Variants in DDX19B observed in about 807,000 individuals in gnomAD.
The protein encoded by DDX19B is ATP-dependent RNA helicase DDX19B.
DDX19B carries 27 observed loss-of-function variants against 58.1 expected under a neutral mutation model. That is an observed-to-expected ratio of 0.46 (90% CI 0.34 to 0.64). DDX19B has a LOEUF of 0.64. DDX19B is among the 30% of genes least tolerant of loss of function. DDX19B has a pLI of 0.01. For missense variants in DDX19B, 399 were observed against 596.5 expected, an observed-to-expected ratio of 0.67 and a Z score of 3.45; for synonymous variants, 187 against 214.4, an observed-to-expected ratio of 0.87 and a Z score of 1.12.
At chr16:70,294,736 C>T (rs1333343080), upstream of DDX19B, 1 of 870,278 alleles carries the variant, frequency 1.1e-6, no homozygotes, top group Non-Finnish European at 1.7e-6. Context: ...GCTGTACCGT[C>T]CCCTCAGCTG....
Position 70,309,817 on chromosome 16 carries a change from CAAAAAAAA to C in DDX19B, c.58-2778_58-2771del, listed in dbSNP as rs61033553. On this transcript the variant is annotated intron_variant, in intron 1 of 11. Transcript: ENST00000288071. ...TGGGCGACAGGGCAAGACTCCGTCT[CAAAAAAAA>C]AAAAAAAAAAAAAGAGAAATAGAAA... Among the ~76,000 whole-genome samples the C allele has an allele frequency of 1.6e-4, 7 of 42,632 alleles. 1 individual carries two copies. Among genetic ancestry groups the C allele is most frequent in the Admixed American group, 7.4e-4 (2 of 2,700 alleles). The allele number at this position is 42,632 out of a possible 152,430, so 28.0% of individuals were successfully genotyped here. A position where few individuals can be genotyped will look rare whatever the true frequency, so the allele number is the denominator to read the frequency against.
chr16:70,313,725 A>G (rs1236093814), intron 2 of DDX19B, among the ~76,000 whole-genome samples: 2 of 152,164 alleles, frequency 1.3e-5, no homozygotes, highest in East Asian at 3.8e-4. Context: ...ACAGGAAGGA[A>G]ATGTAACATT....
upstream of DDX19B, chr16:70,295,000 T>A (rs1961168721): frequency 7.3e-7 from 1 of 1,374,268 alleles, no homozygotes; most frequent in South Asian, 1.7e-5. Context: ...GGTAGAGGAA[T>A]AACAATATTT....
At chr16:70,307,307 C>A (rs1284994326) in intron 1 of DDX19B, among the ~76,000 whole-genome samples, 2 of 152,142 alleles carry the variant, frequency 1.3e-5, no homozygotes, top group African/African-American at 2.4e-5. Context: ...TTTTCCAAAG[C>A]AGCTGCATCA....
At chr16:70,292,789 C>G (rs1263927425), upstream of DDX19B, among the ~76,000 whole-genome samples, 1 of 152,176 alleles carries the variant, frequency 6.6e-6, no homozygotes, top group African/African-American at 2.4e-5. Flanking sequence ...GATTGCCCCA[C>G]TACCCTCCAG....
In DDX19B at chr16:70,333,639, T is replaced by C; in HGVS notation, c.*57T>C. The C allele has an allele frequency of 6.2e-7, 1 of 1,613,592 alleles. No homozygotes were observed. The highest frequency in any genetic ancestry group is 1.7e-4 in the Middle Eastern group (1 of 6,056). Reference sequence around the variant, plus strand: ...GCACTGCCCCTGCACAGGAGACAAGTGCGTTCAGGGCACAGGCCCCGACAT... The same window carrying C: ...GCACTGCCCCTGCACAGGAGACAAGCGCGTTCAGGGCACAGGCCCCGACAT... On this transcript the variant is annotated 3_prime_UTR_variant, in exon 12 of 12. Transcript: ENST00000288071.
upstream of DDX19B, chr16:70,295,159 T>C (rs978307093): frequency 5.0e-6 from 5 of 994,362 alleles, no homozygotes; most frequent in Admixed American, 1.6e-4. Flanking sequence ...CAGATGCTCT[T>C]ATTCCCCGAA....
At chr16:70,328,825 C>T (rs1466549822) in intron 7 of DDX19B, among the ~76,000 whole-genome samples, 1 of 152,014 alleles carries the variant, frequency 6.6e-6, no homozygotes, top group African/African-American at 2.4e-5. Context: ...GATATCCTAA[C>T]CTTTCCTTAA....
At chr16:70,299,480 C>G (rs1393259281) in intron 1 of DDX19B, 126 bp downstream of exon 1, 4 of 1,155,380 alleles carry the variant, frequency 3.5e-6, no homozygotes, top group Admixed American at 6.8e-5. Flanking sequence ...AGGGATGGAG[C>G]CTGGACCCTG....
intron 1 of DDX19B, among the ~76,000 whole-genome samples, chr16:70,309,341 A>G (rs1044411736): frequency 3.3e-5 from 5 of 151,528 alleles, no homozygotes; most frequent in African/African-American, 1.2e-4. Context: ...TAAAAATATA[A>G]AAAGTTAGTC....
intron 7 of DDX19B, among the ~76,000 whole-genome samples, chr16:70,328,088 A>G (rs1264369395): frequency 6.6e-6 from 1 of 151,158 alleles, no homozygotes; most frequent in Non-Finnish European, 1.5e-5. Flanking sequence ...CGGGAGGGGG[A>G]GGTTGCAGTG....
At chr16:70,310,533 A>G (rs1299692763) in intron 1 of DDX19B, among the ~76,000 whole-genome samples, 2 of 152,096 alleles carry the variant, frequency 1.3e-5, no homozygotes, top group Admixed American at 6.6e-5. Context: ...CAACAGAGTG[A>G]GACCTCGTCT....
chr16:70,294,123 C>T (rs1437322751), upstream of DDX19B, among the ~76,000 whole-genome samples: 1 of 144,854 alleles, frequency 6.9e-6, no homozygotes, highest in Non-Finnish European at 1.5e-5. Flanking sequence ...ACTCTGTCGC[C>T]CAGGCTGGAG....
Position 70,299,471 on chromosome 16 carries a change from G to C in DDX19B, c.57+117G>C, listed in dbSNP as rs1344365123. 16 of 1,268,242 alleles carry C rather than the reference G, an allele frequency of 1.3e-5. No homozygotes were observed. The East Asian group carries it at 4.2e-4, about 33-fold the overall frequency. The allele number at this position is 1,268,242 out of a possible 1,614,324, so 78.6% of individuals were successfully genotyped here. ...GCTGGATGGGGTGGCGGGGAGGATA[G>C]GGATGGAGCCTGGACCCTGAGCTGG... On this transcript the variant is annotated intron_variant, in intron 1 of 11. Transcript: ENST00000288071.
chr16:70,325,497 GC>G lies in DDX19B; in HGVS notation c.493-76del, dbSNP rs1022001742. 48 of 928,700 alleles carry G rather than the reference GC, an allele frequency of 5.2e-5. 1 individual carries two copies. Among genetic ancestry groups the G allele is most frequent in the East Asian group, 9.7e-5 (4 of 41,354 alleles). 57.5% of individuals were successfully genotyped at this position (928,700 alleles called of 1,614,324 possible). A position where few individuals can be genotyped will look rare whatever the true frequency, so the allele number is the denominator to read the frequency against. ...TCCTTCAGCTTCAGCTGGAGGAGTG[GC>G]TAAGTACTAATGGTAATTCCCCTTT... On this transcript the variant is annotated intron_variant, in intron 6 of 11. Transcript: ENST00000288071.
In DDX19B at chr16:70,333,807, C is replaced by T. The variant is rs1963607349; in HGVS notation, c.*225C>T. 2 of 643,148 alleles carry T rather than the reference C, an allele frequency of 3.1e-6. No homozygotes were observed. The allele number at this position is 643,148 out of a possible 1,614,324, so 39.8% of individuals were successfully genotyped here. ...AACCTTGGAAGATTAGGCATGAATA[C>T]ACAGAGATTTACCTTTTGGAAGTTT... On this transcript the variant is annotated 3_prime_UTR_variant, in exon 12 of 12. Coordinates refer to ENST00000288071, the MANE Select transcript of DDX19B (RefSeq NM_007242.7).
chr16:70,309,322 C>T lies in DDX19B; in HGVS notation c.58-3287C>T, dbSNP rs547693707. 4.1e-4 allele frequency among the ~76,000 whole-genome samples: 62 copies of T among 151,144 alleles called. No individual in the cohort carries two copies. The East Asian group carries it at 0.011, about 28-fold the overall frequency. ...CATCCTGGCTAACACGGTGAAACCC[C>T]GTCTCTACTAAAAATATAAAAAGTT... is the stretch of plus-strand genomic sequence containing the variant. On this transcript the variant is annotated intron_variant, in intron 1 of 11. Coordinates refer to ENST00000288071, the MANE Select transcript of DDX19B (RefSeq NM_007242.7).
upstream of DDX19B, among the ~76,000 whole-genome samples, chr16:70,296,069 A>G (rs1470913968): frequency 1.4e-5 from 2 of 147,050 alleles, no homozygotes; most frequent in African/African-American, 5.0e-5. Flanking sequence ...CAGTGGCATG[A>G]TCTCAGCTCA....
chr16:70,295,186 C>T (rs1037584378), upstream of DDX19B: 1 of 763,734 alleles, frequency 1.3e-6, no homozygotes, highest in Non-Finnish European at 1.8e-6. Flanking sequence ...TCTTTCCACG[C>T]CCGCTTTGGA....
Sources: gnomAD v4.1 joint callset for allele counts (sites outside exome capture counted in the v4.1 genomes callset) on GRCh38, gnomAD v4.1.1 for gene constraint, MANE v1.5 for transcripts, NCBI Gene and HGNC (gene_info 2026-07-23, HGNC 2026-07-21) for gene names.